Variants in SLC35F4 observed in about 807,000 individuals in gnomAD.
SLC35F4 encodes chromosome 14 open reading frame 36.
In SLC35F4, 24 loss-of-function variants were observed where a neutral mutation model predicts 44.2. The observed-to-expected ratio is 0.54, with a 90% confidence interval of 0.39 to 0.76. The LOEUF is 0.76. Ranked by LOEUF, SLC35F4 falls within the 30% of genes least tolerant of loss-of-function variation. The pLI, the probability that SLC35F4 is intolerant of heterozygous loss-of-function variation, is 0.00. For missense variants in SLC35F4, 562 were observed against 586.1 expected (o/e 0.96, Z 0.42); for synonymous variants, 238 against 223.6 (o/e 1.06, Z -0.57).
At chr14:57,929,577 A>G (rs1594632272) in intron 1 of SLC35F4, among the ~76,000 whole-genome samples, 1 of 152,028 alleles carries the variant, frequency 6.6e-6, no homozygotes, top group South Asian at 2.1e-4. Context: ...ATCCTCTCAC[A>G]CCTACCACTT....
At chr14:57,964,211 G>A (rs1369647501) in intron 1 of SLC35F4, among the ~76,000 whole-genome samples, 1 of 152,154 alleles carries the variant, frequency 6.6e-6, no homozygotes, top group Non-Finnish European at 1.5e-5. Flanking sequence ...GAGGAAGCTA[G>A]CTTGGCTAGC....
At chr14:57,948,641 C>G (rs950272577) in intron 1 of SLC35F4, among the ~76,000 whole-genome samples, 3 of 151,940 alleles carry the variant, frequency 2.0e-5, no homozygotes, top group African/African-American at 7.2e-5. Context: ...TCTATTTTTG[C>G]TCTGTCAGAC....
intron 1 of SLC35F4, among the ~76,000 whole-genome samples, chr14:57,793,284 T>C (rs1185932753): frequency 6.6e-6 from 1 of 151,924 alleles, no homozygotes; most frequent in Non-Finnish European, 1.5e-5. Context: ...GGGGTACAAG[T>C]GGTTTTTGGT....
At chr14:57,608,705 T>C (rs900946994) in intron 1 of SLC35F4, among the ~76,000 whole-genome samples, 1 of 146,086 alleles carries the variant, frequency 6.8e-6, no homozygotes, top group African/African-American at 2.6e-5. Flanking sequence ...GAACTGCAGA[T>C]AACAAGGGCT....
At chr14:57,905,116 T>C (rs940984118) in intron 1 of SLC35F4, among the ~76,000 whole-genome samples, 1 of 152,178 alleles carries the variant, frequency 6.6e-6, no homozygotes, top group Non-Finnish European at 1.5e-5. Context: ...CAGTTAGACA[T>C]CCACTGGAAG....
intron 1 of SLC35F4, among the ~76,000 whole-genome samples, chr14:57,598,355 C>T (rs1444994450): frequency 6.6e-6 from 1 of 152,118 alleles, no homozygotes; most frequent in Non-Finnish European, 1.5e-5. Flanking sequence ...ACTAGCAGAG[C>T]GAACATCGCA....
chr14:57,774,836 G>T (rs2077449707), intron 1 of SLC35F4, among the ~76,000 whole-genome samples: 1 of 152,232 alleles, frequency 6.6e-6, no homozygotes, highest in African/African-American at 2.4e-5. Context: ...TGCTTTGAAG[G>T]CATGTGTGTG....
At chr14:57,976,989 C>G (rs901143334) in intron 1 of SLC35F4, 1 of 152,034 alleles carries the variant, frequency 6.6e-6, no homozygotes, top group Non-Finnish European at 1.5e-5. Context: ...AATTTAGATG[C>G]CTCAGTAAGA....
intron 1 of SLC35F4, among the ~76,000 whole-genome samples, chr14:57,702,113 G>A (rs1336550280): frequency 1.3e-5 from 2 of 152,076 alleles, no homozygotes; most frequent in Admixed American, 6.6e-5. Flanking sequence ...TTCTGCAAAG[G>A]CATTTGACCA....
chr14:57,785,926 C>G (rs1017788712), intron 1 of SLC35F4, among the ~76,000 whole-genome samples: 3 of 152,130 alleles, frequency 2.0e-5, no homozygotes, highest in African/African-American at 7.2e-5. Flanking sequence ...TGGCCAGAAC[C>G]TGGGGGAGGG....
chr14:57,876,823 C>A (rs1202686937), intron 1 of SLC35F4, among the ~76,000 whole-genome samples: 1 of 152,154 alleles, frequency 6.6e-6, no homozygotes, highest in Admixed American at 6.5e-5. Context: ...CTTAACTAAT[C>A]TAAAACCCAG....
At chr14:57,670,465 A>G (rs1330580072) in intron 1 of SLC35F4, among the ~76,000 whole-genome samples, 1 of 151,874 alleles carries the variant, frequency 6.6e-6, no homozygotes, top group Non-Finnish European at 1.5e-5. Flanking sequence ...TCTTGTGGGC[A>G]TTTAGTGCTA....
chr14:57,653,926 G>A (rs77499416), intron 1 of SLC35F4, among the ~76,000 whole-genome samples: 3,719 of 152,254 alleles, frequency 0.024, 138 homozygotes, highest in African/African-American at 0.084. Flanking sequence ...CTGTGAGGAA[G>A]AATCTATTCC....
intron 1 of SLC35F4, among the ~76,000 whole-genome samples, chr14:57,951,692 A>C (rs994307875): frequency 2.6e-5 from 4 of 152,226 alleles, no homozygotes; most frequent in Non-Finnish European, 5.9e-5. Flanking sequence ...GGCAGAGCCC[A>C]CCACAGCTCA....
chr14:57,865,952 G>T lies in SLC35F4; in HGVS notation c.-127C>A. On this transcript the variant is annotated 5_prime_UTR_variant, in exon 1 of 8. Coordinates refer to ENST00000556826, the MANE Select transcript of SLC35F4 (RefSeq NM_001306087.2). Reference sequence around the variant, plus strand: ...GCTCCTGCTCCCGCGCCCGGGCTCTGACTCCACCGCCCGGCGCAGCACCGG... The same window carrying T: ...GCTCCTGCTCCCGCGCCCGGGCTCTTACTCCACCGCCCGGCGCAGCACCGG... The T allele has an allele frequency of 1.8e-6, 1 of 542,370 alleles. No homozygotes were observed. Among genetic ancestry groups the T allele is most frequent in the Non-Finnish European group, 3.0e-6 (1 of 333,144 alleles). 33.6% of individuals were successfully genotyped at this position (542,370 alleles called of 1,614,324 possible).
At chr14:57,758,054 T>A (rs2077038708) in intron 1 of SLC35F4, among the ~76,000 whole-genome samples, 1 of 150,860 alleles carries the variant, frequency 6.6e-6, no homozygotes. Context: ...ATTTTAATAC[T>A]TTTAAAAACG....
At chr14:57,817,702 C>T (rs1455611871) in intron 1 of SLC35F4, among the ~76,000 whole-genome samples, 1 of 152,022 alleles carries the variant, frequency 6.6e-6, no homozygotes, top group East Asian at 1.9e-4. Flanking sequence ...GATTTGAGAG[C>T]TTAATGTTCT....
intron 1 of SLC35F4, among the ~76,000 whole-genome samples, chr14:57,881,579 A>G (rs1888535458): frequency 6.6e-6 from 1 of 152,184 alleles, no homozygotes; most frequent in Non-Finnish European, 1.5e-5. Context: ...TTTTGTAATG[A>G]TTAAATAAAG....
chr14:57,611,598 AC>A lies in SLC35F4; in HGVS notation c.104-17475del, dbSNP rs1595045732. 2.0e-5 allele frequency among the ~76,000 whole-genome samples: 3 copies of A among 151,724 alleles called. No individual in the cohort carries two copies. In the East Asian group the frequency reaches 5.8e-4, roughly 29 times the overall value. On this transcript the variant is annotated intron_variant, in intron 1 of 7. Transcript: ENST00000556826. ...TAAGAGAAGAGTTAAAAAAAAAAAA[AC>A]AAAAAAAAGAGTTACCATTTAATCA...
Sources: gnomAD v4.1 joint callset for allele counts (sites outside exome capture counted in the v4.1 genomes callset) on GRCh38, gnomAD v4.1.1 for gene constraint, MANE v1.5 for transcripts, NCBI Gene and HGNC (gene_info 2026-07-23, HGNC 2026-07-21) for gene names.